Variants in PDIA6 observed in about 807,000 individuals in gnomAD.
PDIA6 encodes the protein protein disulfide isomerase family A member 6, also known as protein disulfide-isomerase A6.
PDIA6 carries 29 observed loss-of-function variants against 58.4 expected under a neutral mutation model. That is an observed-to-expected ratio of 0.50 (90% CI 0.37 to 0.68). The LOEUF is 0.68. PDIA6 is among the 30% of genes least tolerant of loss of function. PDIA6 has a pLI of 0.00. For missense variants in PDIA6, 480 were observed against 551.0 expected, an observed-to-expected ratio of 0.87 and a Z score of 1.29; for synonymous variants, 192 against 202.6, an observed-to-expected ratio of 0.95 and a Z score of 0.44.
chr2:10,798,070 T>C (rs542621285), intron 2 of PDIA6, among the ~76,000 whole-genome samples: 65 of 152,064 alleles, frequency 4.3e-4, no homozygotes, highest in African/African-American at 1.5e-3. Context: ...CTTGTAATCC[T>C]AGCTACTGGG....
intron 1 of PDIA6, among the ~76,000 whole-genome samples, chr2:10,828,580 G>T (rs143135888): frequency 3.3e-4 from 51 of 152,312 alleles, no homozygotes; most frequent in African/African-American, 1.1e-3. Context: ...CAGCTGGGAC[G>T]AAGGGGCAGC....
chr2:10,806,622 T>TAAAGACAAAGAAAGACAGAAAGACAG (rs1553339909), intron 1 of PDIA6, among the ~76,000 whole-genome samples: 6 of 48,752 alleles, frequency 1.2e-4, no homozygotes, highest in Admixed American at 7.6e-4. Context: ...TCCTAAAAAA[T>TAAAGACAAAGAAAGACAGAAAGACAG]AAAGACAGAA....
Position 10,787,385 on chromosome 2 carries a change from A to C in PDIA6, c.1053T>G (p.Ile351Met). ...AQSELETALG[I>M]GGFGYPAMAA... ...CCATGGCGGGGTACCCAAACCCTCC[A>C]ATCCCCAACGCGGTCTCAAGTTCAG... Residue 351 changes from isoleucine to methionine, a missense_variant, in exon 11 of 13, where the codon ATT (isoleucine) becomes ATG (methionine). Transcript: ENST00000272227. The C allele has an allele frequency of 6.2e-7, 1 of 1,614,206 alleles. No individual in the cohort carries two copies. The highest frequency in any genetic ancestry group is 2.2e-5 in the East Asian group (1 of 44,872).
rs1665598922 is a variant in PDIA6, at chr2:10,784,411, C to A, written c.1255-85G>T. 11 of 1,009,296 alleles carry A rather than the reference C, an allele frequency of 1.1e-5. No individual in the cohort carries two copies. In the South Asian group the frequency reaches 1.5e-4, roughly 14 times the overall value. 62.5% of individuals were successfully genotyped at this position (1,009,296 alleles called of 1,614,324 possible). ...CATCTCATTTTATGGAAGAGCGACT[C>A]TCTGGAGCTACTCCTGCTACAATCC... On this transcript the variant is annotated intron_variant, in intron 12 of 12. Transcript: ENST00000272227.
At chr2:10,813,808 G>A (rs1024297293), upstream of PDIA6, among the ~76,000 whole-genome samples, 2 of 150,360 alleles carry the variant, frequency 1.3e-5, no homozygotes, top group Non-Finnish European at 2.9e-5. Context: ...GCTAATTTTT[G>A]TATTTTTAGC....
At chr2:10,810,398 C>T (rs1193069236) in intron 1 of PDIA6, 1 of 1,464,596 alleles carries the variant, frequency 6.8e-7, no homozygotes, top group Non-Finnish European at 9.0e-7. Flanking sequence ...CAGTCCTCTC[C>T]TCTTCATGCT....
chr2:10,785,017 C>A lies in PDIA6; in HGVS notation c.1171G>T (p.Gly391Trp). The A allele has an allele frequency of 6.3e-7, 1 of 1,577,972 alleles. No homozygotes were observed. The highest frequency in any genetic ancestry group is 2.3e-5 in the East Asian group (1 of 43,280). ...CCTACAGGTGCCGTGGAGCCACGCC[C>A]AAAAGAGAGCTCCCTTAGGGAAAAA... ...INEFLRELSF[G>W]RGSTAPVGGG... The change falls in exon 12 of 13, where the codon GGG becomes TGG. Residue 391 changes from glycine to tryptophan, a missense_variant. Transcript: ENST00000272227.
chr2:10,820,838 A>G, intron 1 of PDIA6: 1 of 702,848 alleles, frequency 1.4e-6, no homozygotes, highest in South Asian at 1.5e-5. Context: ...ACACCCACAC[A>G]AGCTTCTCCC....
At position 10,806,648 on chromosome 2, in the gene PDIA6, A is replaced by AGACAGAC. The variant is rs1558452576; in HGVS notation, c.20-4009_20-4008insGTCTGTC. Among the ~76,000 whole-genome samples, 6 of 46,270 alleles carry AGACAGAC rather than the reference A, an allele frequency of 1.3e-4. 1 individual carries two copies. The highest frequency in any genetic ancestry group is 3.8e-4 in the Non-Finnish European group (5 of 13,048). 30.4% of individuals were successfully genotyped at this position (46,270 alleles called of 152,430 possible). ...AAAGACAGAAAGAAAGAAAGAAAGA[A>AGACAGAC]AAACGTTACAGTAAATTAAGGTTAA... On this transcript the variant is annotated intron_variant, in intron 1 of 12. Coordinates refer to ENST00000272227, the MANE Select transcript of PDIA6 (RefSeq NM_005742.4).
intron 4 of PDIA6, among the ~76,000 whole-genome samples, chr2:10,794,307 G>A (rs1024096778): frequency 2.0e-5 from 3 of 151,900 alleles, no homozygotes; most frequent in Non-Finnish European, 2.9e-5. Context: ...TTAGCTGGGC[G>A]TGGTGGTGGA....
chr2:10,796,060 C>CTTTTT (rs78611007), intron 4 of PDIA6, among the ~76,000 whole-genome samples: 1 of 144,094 alleles, frequency 6.9e-6, no homozygotes, highest in Non-Finnish European at 1.5e-5. Context: ...TTTGTGATAT[C>CTTTTT]TTTTTTTTTT....
intron 1 of PDIA6, among the ~76,000 whole-genome samples, chr2:10,830,287 A>G (rs1225497423): frequency 6.6e-6 from 1 of 152,226 alleles, no homozygotes; most frequent in Non-Finnish European, 1.5e-5. Context: ...GAATGAACGC[A>G]TCCGTGAATA....
Position 10,788,677 on chromosome 2 carries a change from CAGT to C in PDIA6, c.998+17_998+19del, listed in dbSNP as rs755749481. 5 of 1,532,054 alleles carry C rather than the reference CAGT, an allele frequency of 3.3e-6. No homozygotes were observed. In the African/African-American group the frequency reaches 5.4e-5, roughly 17 times the overall value. The allele number at this position is 1,532,054 out of a possible 1,614,324, so 94.9% of individuals were successfully genotyped here. A position where few individuals can be genotyped will look rare whatever the true frequency, so the allele number is the denominator to read the frequency against. ...ATCAGCTGTTCAGATGACACTCAGACAGTAAGCTCAGTAACTTACCCCCACATT... is the reference window on the plus strand; with the variant it reads ...ATCAGCTGTTCAGATGACACTCAGACAAGCTCAGTAACTTACCCCCACATT... On this transcript the variant is annotated intron_variant, in intron 10 of 12. Coordinates refer to ENST00000272227, the MANE Select transcript of PDIA6 (RefSeq NM_005742.4).
chr2:10,818,043 A>T (rs923051392), intron 2 of PDIA6, among the ~76,000 whole-genome samples: 4 of 152,118 alleles, frequency 2.6e-5, no homozygotes, highest in Non-Finnish European at 5.9e-5. Context: ...GGACTTTCTC[A>T]TTCATTCTGA....
intron 1 of PDIA6, among the ~76,000 whole-genome samples, chr2:10,812,178 G>A (rs1451155581): frequency 6.6e-6 from 1 of 152,168 alleles, no homozygotes; most frequent in Non-Finnish European, 1.5e-5. Context: ...CCAAAGTGCT[G>A]GGATTACAGG....
chr2:10,809,645 CAAAAAAAAAAAAAA>C (rs56308831), intron 1 of PDIA6, among the ~76,000 whole-genome samples: 2 of 64,664 alleles, frequency 3.1e-5, no homozygotes, highest in South Asian at 8.2e-4. Context: ...GACCCGGTCT[CAAAAAAAAAAAAAA>C]AAAAAAAAAA....
chr2:10,795,219 A>T (rs2148543686), intron 4 of PDIA6, among the ~76,000 whole-genome samples: 1 of 152,314 alleles, frequency 6.6e-6, no homozygotes, highest in South Asian at 2.1e-4. Context: ...GCAACTACTC[A>T]ATTCTGTTGT....
At chr2:10,832,016 C>CAA (rs59417410) in intron 1 of PDIA6, among the ~76,000 whole-genome samples, 18,070 of 81,262 alleles carry the variant, frequency 0.22, 2,637 homozygotes, top group Middle Eastern at 0.27. Context: ...GACCCTGTCT[C>CAA]AAAAAAAAAA....
rs375970742 is a variant in PDIA6, at chr2:10,787,266, A to G, written c.1157+15T>C. 2.2e-5 allele frequency: 35 copies of G among 1,611,872 alleles called. No homozygotes were observed. The highest frequency in any genetic ancestry group is 2.8e-5 in the Non-Finnish European group (33 of 1,178,022). On this transcript the variant is annotated intron_variant, in intron 11 of 12. Coordinates refer to ENST00000272227, the MANE Select transcript of PDIA6 (RefSeq NM_005742.4). ...AAACAGACAAAACAACAAACAACCT[A>G]AGAAAACAAATTACCTGAGAAACTC...
Sources: allele counts gnomAD v4.1 joint callset (sites outside exome capture counted in the v4.1 genomes callset), GRCh38; gene constraint gnomAD v4.1.1; transcripts MANE v1.5; gene names NCBI Gene and HGNC (gene_info 2026-07-23, HGNC 2026-07-21).